The following VPS13A variants were observed in gnomAD, a reference collection of about 807,000 sequenced individuals.
VPS13A encodes vacuolar protein sorting 13 homolog A.
In VPS13A, 264 loss-of-function variants were observed where a neutral mutation model predicts 390.9. The observed-to-expected ratio is 0.68, with a 90% CI of 0.61 to 0.75. VPS13A has a LOEUF of 0.75. Ranked by LOEUF, VPS13A falls within the 30% of genes least tolerant of loss-of-function variation. The probability of loss-of-function intolerance (pLI) is 0.00; values close to 1 mark genes in which losing one functional copy is unlikely to be tolerated. For missense variants in VPS13A, 3,409 were observed against 3,733.9 expected (o/e 0.91, Z 2.27); for synonymous variants, 1,231 against 1,227.1 (o/e 1.00, Z -0.07).
intron 27 of VPS13A, among the ~76,000 whole-genome samples, chr9:77,280,974 C>T (rs11145362): frequency 0.28 from 41,868 of 151,970 alleles, 6,075 homozygotes; most frequent in Middle Eastern, 0.36. Context: ...AATCCTGTCA[C>T]TTATGTCGAC....
In VPS13A at chr9:77,240,660, T is replaced by C. The variant is rs578102781; in HGVS notation, c.1900+2274T>C. 2.6e-5 allele frequency among the ~76,000 whole-genome samples: 4 copies of C among 151,824 alleles called. 1 individual carries two copies. The South Asian group carries it at 8.3e-4, about 32-fold the overall frequency. ...ACCCAGCTAATTTTTGTATTTTTAC[T>C]AGAGATGGGGTTTCACCATGTTGGC... is the stretch of plus-strand genomic sequence containing the variant. On this transcript the variant is annotated intron_variant, in intron 19 of 71. Transcript: ENST00000360280.
chr9:77,289,706 C>T lies in VPS13A; in HGVS notation c.3340-3635C>T, dbSNP rs1827538472. ...TCTAAAGATGTTTTATATTTTTCTT[C>T]ATTGCAACTCTTTCTGTAACTACTT... On this transcript the variant is annotated intron_variant, in intron 31 of 71. Transcript: ENST00000360280. 2.0e-5 allele frequency among the ~76,000 whole-genome samples: 3 copies of T among 151,698 alleles called. No homozygotes were observed. The South Asian group carries it at 6.2e-4, about 32-fold the overall frequency.
chr9:77,403,345 G>A (rs371131768), intron 69 of VPS13A, 24 bp downstream of exon 69: 51 of 1,585,060 alleles, frequency 3.2e-5, no homozygotes, highest in Admixed American at 6.7e-5. Context: ...TTTCTCTTAC[G>A]TAATTTTATA....
intron 67 of VPS13A, among the ~76,000 whole-genome samples, chr9:77,378,533 A>T (rs1833240302): frequency 6.6e-6 from 1 of 151,940 alleles, no homozygotes; most frequent in Non-Finnish European, 1.5e-5. Context: ...TTGTTTCCAT[A>T]AGATTGGTAG....
Position 77,321,507 on chromosome 9 carries a change from C to T in VPS13A, c.5591C>T (p.Ala1864Val). ...TCTTATTAGGCATTTACAGAAGCTGCCACTGGATCTTCAGCTGACTTCGTA... is the reference window on the plus strand; with the variant it reads ...TCTTATTAGGCATTTACAGAAGCTGTCACTGGATCTTCAGCTGACTTCGTA... Reference protein sequence around the residue: ...NNLVKAFTEAATGSSADFVKD... With the variant: ...NNLVKAFTEAVTGSSADFVKD... Residue 1864 changes from alanine (A) to valine (V), a missense_variant, in exon 44 of 72, where the codon GCC becomes GTC. By Grantham distance (64) the Ala-to-Val change is moderately conservative. Transcript: ENST00000360280. The T allele has an allele frequency of 6.2e-7, 1 of 1,613,370 alleles. No individual in the cohort carries two copies. The highest frequency in any genetic ancestry group is 8.5e-7 in the Non-Finnish European group (1 of 1,179,554).
Position 77,205,882 on chromosome 9 carries a change from G to A in VPS13A, c.284-96G>A, listed in dbSNP as rs1056210211. The A allele has an allele frequency of 3.6e-5, 34 of 955,056 alleles. No homozygotes were observed. The Admixed American group carries it at 4.8e-4, about 14-fold the overall frequency. 59.2% of individuals were successfully genotyped at this position (955,056 alleles called of 1,614,324 possible). A position where few individuals can be genotyped will look rare whatever the true frequency, so the allele number is the denominator to read the frequency against. On this transcript the variant is annotated intron_variant, in intron 4 of 71. Coordinates refer to ENST00000360280, the MANE Select transcript of VPS13A (RefSeq NM_033305.3). ...TGGGATTACAGGCATGAGCCACCGC[G>A]CCCGGCCAATTAATGATTATTTGTA... is the stretch of plus-strand genomic sequence containing the variant.
chr9:77,274,625 C>T (rs12345999), intron 24 of VPS13A, among the ~76,000 whole-genome samples: 20,394 of 151,638 alleles, frequency 0.13, 1,580 homozygotes, highest in African/African-American at 0.21. Context: ...CAATAATTAT[C>T]TACATTTACA....
At chr9:77,379,499 C>T (rs900268232) in intron 67 of VPS13A, among the ~76,000 whole-genome samples, 7 of 152,028 alleles carry the variant, frequency 4.6e-5, no homozygotes, top group African/African-American at 7.2e-5. Flanking sequence ...CTTGGCCTCC[C>T]GAAGTGCTGG....
At chr9:77,273,509 T>G (rs1265432567) in intron 24 of VPS13A, 145 bp downstream of exon 24, 1 of 648,584 alleles carries the variant, frequency 1.5e-6, no homozygotes, top group Non-Finnish European at 2.6e-6. Flanking sequence ...GCTCTATGAA[T>G]GGAAGACAGA....
intron 45 of VPS13A, among the ~76,000 whole-genome samples, chr9:77,324,257 T>C (rs1266264175): frequency 6.6e-6 from 1 of 152,170 alleles, no homozygotes; most frequent in African/African-American, 2.4e-5. Flanking sequence ...TCTTTTTCAA[T>C]CTGGATGTGT....
intron 50 of VPS13A, among the ~76,000 whole-genome samples, chr9:77,341,000 C>A (rs1830776028): frequency 6.6e-6 from 1 of 152,138 alleles, no homozygotes; most frequent in Non-Finnish European, 1.5e-5. Context: ...TAAGAGTTTT[C>A]TGAATGACTG....
chr9:77,307,863 T>A, intron 34 of VPS13A, 82 bp from the exon 35 acceptor site: 1 of 1,142,110 alleles, frequency 8.8e-7, no homozygotes, highest in Non-Finnish European at 1.3e-6. Flanking sequence ...CTTTCATTTT[T>A]CTCCTCTGAG....
rs1189854671 is a variant in VPS13A at position 77,371,676 on chromosome 9, C to CT, written c.9077+530dup. Among the ~76,000 whole-genome samples, 4 of 150,974 alleles carry CT rather than the reference C, an allele frequency of 2.6e-5. No individual in the cohort carries two copies. The East Asian group carries it at 7.8e-4, about 29-fold the overall frequency. On this transcript the variant is annotated intron_variant, in intron 67 of 71. Coordinates refer to ENST00000360280, the MANE Select transcript of VPS13A (RefSeq NM_033305.3). ...TTGATTTTTTTTTTTTATTATTATA[C>CT]TTTAAGTTTTAGGGTACATGTGCAC...
At chr9:77,363,419 T>G (rs1468214186) in intron 59 of VPS13A, among the ~76,000 whole-genome samples, 1 of 128,294 alleles carries the variant, frequency 7.8e-6, no homozygotes, top group African/African-American at 3.2e-5. Flanking sequence ...TTTTTTTTTT[T>G]GAGACCTAGG....
At chr9:77,379,065 CT>C (rs71503211) in intron 67 of VPS13A, among the ~76,000 whole-genome samples, 292 of 72,366 alleles carry the variant, frequency 4.0e-3, no homozygotes, top group African/African-American at 0.01. Context: ...ATTTTCAGTC[CT>C]TTTTTTTTTT....
At chr9:77,331,979 A>C in intron 45 of VPS13A, 31 bp from the exon 46 acceptor site, 2 of 1,434,866 alleles carry the variant, frequency 1.4e-6, no homozygotes, top group Non-Finnish European at 2.0e-6. Context: ...TAGATTAATG[A>C]TACTAAATAT....
At chr9:77,321,352 A>G (rs1223866513) in intron 43 of VPS13A, 25 bp downstream of exon 43, 10 of 1,590,214 alleles carry the variant, frequency 6.3e-6, no homozygotes, top group Non-Finnish European at 8.6e-6. Flanking sequence ...TTGAAACTTT[A>G]AATATTGAGA....
At chr9:77,344,349 T>C in intron 51 of VPS13A, 68 bp downstream of exon 51, 1 of 1,494,854 alleles carries the variant, frequency 6.7e-7, no homozygotes, top group Non-Finnish European at 9.1e-7. Context: ...GTATTGTATT[T>C]ATTTTTTGTA....
chr9:77,268,675 C>T (rs901509647), intron 23 of VPS13A, among the ~76,000 whole-genome samples: 3 of 152,126 alleles, frequency 2.0e-5, no homozygotes, highest in African/African-American at 7.2e-5. Flanking sequence ...CGTGGTGGCT[C>T]ACATCTGTAA....
Sources: allele counts gnomAD v4.1 joint callset (sites outside exome capture counted in the v4.1 genomes callset), GRCh38; gene constraint gnomAD v4.1.1; transcripts MANE v1.5; gene names NCBI Gene and HGNC (gene_info 2026-07-23, HGNC 2026-07-21).